Variants in ZNF546 observed in about 807,000 individuals in gnomAD.
ZNF546 encodes zinc finger protein 546, also known as CTC-471F3.6.
In ZNF546, 60 loss-of-function variants were observed where a neutral mutation model predicts 76.2. The observed-to-expected ratio is 0.79, with a 90% CI of 0.64 to 0.98. The LOEUF is 0.98. Among genes scored for constraint, ZNF546 ranks in the 50% least tolerant of loss-of-function variants. The pLI is 0.00. For synonymous variants in ZNF546, 277 were observed against 328.1 expected (o/e 0.84, Z 1.68); for missense variants, 936 against 1,035.6 (o/e 0.90, Z 1.32).
chr19:39,999,405 CATTTT>C (rs1468212962), intron 3 of ZNF546, among the ~76,000 whole-genome samples: 1 of 152,110 alleles, frequency 6.6e-6, no homozygotes, highest in Admixed American at 6.5e-5. Context: ...TGTGTTAAAA[CATTTT>C]ATTTTATAAT....
intron 3 of ZNF546, among the ~76,000 whole-genome samples, chr19:40,004,969 T>C (rs923761325): frequency 2.0e-5 from 3 of 151,652 alleles, no homozygotes; most frequent in African/African-American, 4.8e-5. Context: ...TTATTTTTGC[T>C]TTTTCCAGTA....
intron 6 of ZNF546, among the ~76,000 whole-genome samples, chr19:40,008,792 C>G (rs905603318): frequency 6.6e-6 from 1 of 152,152 alleles, no homozygotes; most frequent in Non-Finnish European, 1.5e-5. Context: ...TATTTCTCTC[C>G]TCTTTCAAAG....
chr19:40,002,332 G>T (rs905772030), intron 3 of ZNF546, among the ~76,000 whole-genome samples: 1 of 152,050 alleles, frequency 6.6e-6, no homozygotes, highest in Non-Finnish European at 1.5e-5. Context: ...TGCTTTAATA[G>T]CCACTTGCAA....
intron 3 of ZNF546, among the ~76,000 whole-genome samples, chr19:40,004,692 C>G (rs990197544): frequency 6.6e-6 from 1 of 152,044 alleles, no homozygotes; most frequent in Non-Finnish European, 1.5e-5. Flanking sequence ...CAGTTTCTGC[C>G]TGTCCTTCGT....
chr19:40,009,424 T>A (rs986613239), intron 6 of ZNF546, among the ~76,000 whole-genome samples: 3 of 152,242 alleles, frequency 2.0e-5, no homozygotes, highest in Non-Finnish European at 4.4e-5. Flanking sequence ...ATTTTCTTAA[T>A]CATATTTATT....
rs753238527 is a variant in ZNF546, at chr19:40,014,627, C to T, written c.1357C>T (p.Gln453Ter). 2 of 1,613,000 alleles carry T rather than the reference C, an allele frequency of 1.2e-6. No homozygotes were observed. The highest frequency in any genetic ancestry group is 1.7e-5 in the Admixed American group (1 of 59,926). Residue 453 changes from glutamine (Q) to a stop codon, truncating the protein, a stop_gained, in exon 7 of 7, where the codon CAA becomes TAA. Coordinates refer to ENST00000347077, the MANE Select transcript of ZNF546 (RefSeq NM_178544.5). LOFTEE classifies it high-confidence loss of function. ...AGAATGTGGAAAAGCCTTTCGTCTTCAAACGGAACTTACTCGGCATCATAG... is the reference window on the plus strand; with the variant it reads ...AGAATGTGGAAAAGCCTTTCGTCTTTAAACGGAACTTACTCGGCATCATAG... ...CRECGKAFRLQTELTRHHRTH... is the reference protein window; with the variant it reads ...CRECGKAFRL
chr19:40,004,761 A>T (rs73547620), intron 3 of ZNF546, among the ~76,000 whole-genome samples: 1 of 151,894 alleles, frequency 6.6e-6, no homozygotes, highest in Admixed American at 6.6e-5. Context: ...TATATTGTAC[A>T]TTCTGGGTTT....
rs1329897470 is a variant in ZNF546 at position 40,015,397 on chromosome 19, A to G, written c.2127A>G (p.Thr709=). The part of the protein sequence containing the change: ...GNAFICSYRL[T]LHQRIHTGEL... ...CTTTTATTTGCAGTTATCGACTTAC[A>G]TTACATCAAAGAATTCACACTGGTG... Residue 709 remains threonine (T), a synonymous_variant, in exon 7 of 7, where the codon ACA becomes ACG. Transcript: ENST00000347077. 1.2e-6 allele frequency: 2 copies of G among 1,614,134 alleles called. No homozygotes were observed.
At chr19:40,000,988 T>A (rs424365) in intron 3 of ZNF546, among the ~76,000 whole-genome samples, 1 of 151,714 alleles carries the variant, frequency 6.6e-6, no homozygotes. Flanking sequence ...GGTCTCATCT[T>A]GGGGTGATGG....
At chr19:40,010,328 T>C (rs891157551) in intron 6 of ZNF546, among the ~76,000 whole-genome samples, 2 of 150,898 alleles carry the variant, frequency 1.3e-5, no homozygotes, top group Non-Finnish European at 3.0e-5. Context: ...ACTTGAACCC[T>C]GGAGGCAGAG....
intron 6 of ZNF546, 98 bp downstream of exon 6, chr19:40,008,663 T>A: frequency 1.1e-6 from 1 of 877,680 alleles, no homozygotes; most frequent in Non-Finnish European, 1.8e-6. Flanking sequence ...AAAGCTCCCT[T>A]CAAAGGCCTG....
At chr19:40,002,980 G>A (rs1039828633) in intron 3 of ZNF546, among the ~76,000 whole-genome samples, 3 of 151,762 alleles carry the variant, frequency 2.0e-5, no homozygotes, top group South Asian at 2.1e-4. Context: ...GATTGCAGGC[G>A]TGAGCCGCCG....
rs1971660845 is a variant in ZNF546, at chr19:40,010,770, C to A, written c.394+2205C>A. Among the ~76,000 whole-genome samples, 3 of 152,116 alleles carry A rather than the reference C, an allele frequency of 2.0e-5. No homozygotes were observed. The South Asian group carries it at 6.2e-4, about 32-fold the overall frequency. ...CGACCTCGGCTCACTGCAACCTCCG[C>A]CTCCTGGGTACAAGCAATTCTCCTG... is the stretch of plus-strand genomic sequence containing the variant. On this transcript the variant is annotated intron_variant, in intron 6 of 6. Coordinates refer to ENST00000347077, the MANE Select transcript of ZNF546 (RefSeq NM_178544.5).
In ZNF546 at chr19:40,013,892, C is replaced by T. The variant is rs757117639; in HGVS notation, c.622C>T (p.Pro208Ser). 4.4e-6 allele frequency: 7 copies of T among 1,606,792 alleles called. No homozygotes were observed. Among genetic ancestry groups the T allele is most frequent in the Admixed American group, 1.7e-5 (1 of 58,972 alleles). The change falls in exon 7 of 7, where the codon CCA (proline) becomes TCA (serine). Residue 208 changes from proline to serine, a missense_variant. Transcript: ENST00000347077. ...AAAACAAATATCTCATCCTCTACATCCAAAAATTCATGCTAGAGAGAAATC... is the reference window on the plus strand; with the variant it reads ...AAAACAAATATCTCATCCTCTACATTCAAAAATTCATGCTAGAGAGAAATC... ...IQKQISHPLH[P>S]KIHAREKSYE...
At position 40,014,498 on chromosome 19, in the gene ZNF546, GA is replaced by G; in HGVS notation, c.1233del (p.Lys411AsnfsTer78). 6.2e-7 allele frequency: 1 copy of G among 1,614,014 alleles called. No homozygotes were observed. Among genetic ancestry groups the G allele is most frequent in the Non-Finnish European group, 8.5e-7 (1 of 1,179,992 alleles). On this transcript the variant is annotated frameshift_variant, in exon 7 of 7. Transcript: ENST00000347077. LOFTEE classifies it high-confidence loss of function. Reference protein sequence around the residue: ...LVQHQKIHTGEKPYECKECGK... With the variant: ...LVQHQKIHTGXKPYECKECGK... ...TCAACATCAGAAAATTCATACTGGT[GA>G]AAAACCCTACGAATGTAAAGAATGT...
intron 4 of ZNF546, 22 bp downstream of exon 4, chr19:40,006,204 T>C (rs747485284): frequency 6.3e-7 from 1 of 1,590,704 alleles, no homozygotes; most frequent in Non-Finnish European, 8.6e-7. Flanking sequence ...TTTTTCTTCC[T>C]TGAAATACTG....
chr19:40,014,978 TCA>T lies in ZNF546; in HGVS notation c.1712_1713del (p.His571ProfsTer7). On this transcript the variant is annotated frameshift_variant, in exon 7 of 7. Coordinates refer to ENST00000347077, the MANE Select transcript of ZNF546 (RefSeq NM_178544.5). LOFTEE classifies it high-confidence loss of function. ...TTTTATTCATAGCAATCAATTTATT[TCA>T]CACCAGCGAATTCACACCAGTGAGA... ...KAFIHSNQFI[S>X]HQRIHTSEST... 1 of 1,613,430 alleles carries T rather than the reference TCA, an allele frequency of 6.2e-7. No individual in the cohort carries two copies. Among genetic ancestry groups the T allele is most frequent in the African/African-American group, 1.3e-5 (1 of 74,804 alleles).
At chr19:40,000,135 T>G (rs1329509101) in intron 3 of ZNF546, among the ~76,000 whole-genome samples, 2 of 152,164 alleles carry the variant, frequency 1.3e-5, no homozygotes, top group Non-Finnish European at 2.9e-5. Flanking sequence ...TTTACACCTT[T>G]TAGGGTTATA....
chr19:39,999,272 T>G (rs977693548), intron 3 of ZNF546, among the ~76,000 whole-genome samples: 1 of 152,262 alleles, frequency 6.6e-6, no homozygotes, highest in Non-Finnish European at 1.5e-5. Flanking sequence ...AAGAGAAGAA[T>G]CTTAACAGTG....
Sources: gnomAD v4.1 joint callset for allele counts (sites outside exome capture counted in the v4.1 genomes callset) on GRCh38, gnomAD v4.1.1 for gene constraint, MANE v1.5 for transcripts, NCBI Gene and HGNC (gene_info 2026-07-23, HGNC 2026-07-21) for gene names.